The following USP31 variants were observed in gnomAD, a reference collection of about 807,000 sequenced individuals.
USP31 encodes the protein ubiquitin carboxyl-terminal hydrolase 31.
A neutral mutation model predicts 119.4 loss-of-function variants in USP31; 44 were observed. That is an observed-to-expected ratio of 0.37 (90% CI 0.29 to 0.47). The LOEUF is 0.47. Among genes scored for constraint, USP31 ranks in the 20% least tolerant of loss-of-function variants. The probability of loss-of-function intolerance (pLI) is 0.99; values close to 1 mark genes in which losing one functional copy is unlikely to be tolerated. For synonymous variants in USP31, 749 were observed against 705.6 expected (o/e 1.06, Z -0.97); for missense variants, 1,643 against 1,730.2 (o/e 0.95, Z 0.89).
chr16:23,122,087 G>A (rs751013021), intron 1 of USP31, among the ~76,000 whole-genome samples: 7 of 152,108 alleles, frequency 4.6e-5, no homozygotes, highest in African/African-American at 7.2e-5. Flanking sequence ...CACACACAGG[G>A]GAGGGGAAGG....
chr16:23,146,086 A>C (rs1472251134), intron 1 of USP31, among the ~76,000 whole-genome samples: 1 of 152,188 alleles, frequency 6.6e-6, no homozygotes, highest in African/African-American at 2.4e-5. Flanking sequence ...AAAGCAATGG[A>C]AATGTTCACA....
chr16:23,080,641 AGCTTAATATATCCACTCAGTG>A (rs1461495673), intron 12 of USP31, among the ~76,000 whole-genome samples: 2 of 152,208 alleles, frequency 1.3e-5, no homozygotes, highest in African/African-American at 4.8e-5. Flanking sequence ...ACACTGTCTT[AGCTTAATATATCCACTCAGTG>A]GCAATCTTTA....
At chr16:23,070,240 T>C (rs994782412) in intron 15 of USP31, among the ~76,000 whole-genome samples, 2 of 152,138 alleles carry the variant, frequency 1.3e-5, no homozygotes, top group Non-Finnish European at 2.9e-5. Context: ...TGACCAAGAT[T>C]ACACAACTCA....
intron 1 of USP31, among the ~76,000 whole-genome samples, chr16:23,134,891 T>TACAC (rs10580256): frequency 2.7e-5 from 4 of 149,844 alleles, no homozygotes; most frequent in Admixed American, 6.6e-5. Context: ...TGTTACCTTA[T>TACAC]ACACACACAC....
intron 12 of USP31, among the ~76,000 whole-genome samples, chr16:23,081,194 C>G (rs899309670): frequency 2.0e-5 from 3 of 152,158 alleles, no homozygotes; most frequent in African/African-American, 7.2e-5. Flanking sequence ...AGGTTTGCCT[C>G]TGGATTGCTG....
chr16:23,122,598 T>C (rs918909125), intron 1 of USP31, among the ~76,000 whole-genome samples: 1 of 152,200 alleles, frequency 6.6e-6, no homozygotes, highest in Non-Finnish European at 1.5e-5. Flanking sequence ...GAAATATTCA[T>C]ATAATAGAAT....
chr16:23,081,526 G>C (rs1900825359), intron 12 of USP31, among the ~76,000 whole-genome samples: 1 of 152,208 alleles, frequency 6.6e-6, no homozygotes, highest in South Asian at 2.1e-4. Flanking sequence ...CCTGGATGAA[G>C]GCAAGGGCCT....
In USP31 at chr16:23,069,049, G is replaced by C. The variant is rs1171758844; in HGVS notation, c.3056C>G (p.Pro1019Arg). The change falls in exon 16 of 16, where the codon CCA becomes CGA. Residue 1019 changes from proline (P) to arginine (R), a missense_variant. Physicochemically the swap from Pro to Arg is moderately radical, Grantham distance 103 (BLOSUM62 -2). Around this residue, in one of 5 missense-constraint regions of USP31, gnomAD observed 699 missense variants for 650.9 expected, o/e 1.07. Transcript: ENST00000219689. ...GGGGGATCTCTTAGTTGTGCTCTCT[G>C]GTTTCTTTGCGAGTGAGCCTGGGTG... ...PSHPGSLAKKPESTTKRSPSS... is the reference protein window; with the variant it reads ...PSHPGSLAKKRESTTKRSPSS... 6.2e-6 allele frequency: 10 copies of C among 1,612,902 alleles called. No individual in the cohort carries two copies. The South Asian group carries it at 6.6e-5, about 11-fold the overall frequency.
chr16:23,077,536 C>T (rs1484411960), intron 13 of USP31, among the ~76,000 whole-genome samples: 1 of 152,002 alleles, frequency 6.6e-6, no homozygotes, highest in African/African-American at 2.4e-5. Flanking sequence ...GAAAAGAGTC[C>T]CAGAGATTTA....
intron 1 of USP31, among the ~76,000 whole-genome samples, chr16:23,134,070 CTG>C (rs1219646540): frequency 5.2e-5 from 7 of 134,706 alleles, no homozygotes; most frequent in African/African-American, 1.7e-4. Flanking sequence ...CAGTGAGACC[CTG>C]TCTCTCTCTC....
chr16:23,131,635 G>C (rs917931841), intron 1 of USP31, among the ~76,000 whole-genome samples: 6 of 151,972 alleles, frequency 3.9e-5, no homozygotes, highest in African/African-American at 1.5e-4. Flanking sequence ...TGAATGGGAG[G>C]GCATTTGATG....
Position 23,065,164 on chromosome 16 carries a change from C to T in USP31, c.*2882G>A, listed in dbSNP as rs1900014022. The T allele has an allele frequency of 6.6e-6, 1 of 152,006 alleles. No individual in the cohort carries two copies. Among genetic ancestry groups the T allele is most frequent in the Non-Finnish European group, 1.5e-5 (1 of 68,008 alleles). 9.4% of individuals were successfully genotyped at this position (152,006 alleles called of 1,614,324 possible). A position where few individuals can be genotyped will look rare whatever the true frequency, so the allele number is the denominator to read the frequency against. ...AAGCAAACAAACATTACAGATACAACATTACTGTTGGTGATTATTTTGTGC... is the reference window on the plus strand; with the variant it reads ...AAGCAAACAAACATTACAGATACAATATTACTGTTGGTGATTATTTTGTGC... On this transcript the variant is annotated 3_prime_UTR_variant, in exon 16 of 16. Coordinates refer to ENST00000219689, the MANE Select transcript of USP31 (RefSeq NM_020718.4).
rs1900368771 is a variant in USP31 at position 23,072,062 on chromosome 16, T to C, written c.2471A>G (p.Glu824Gly). ...SLSESVEMTG[E>G]RSEDDGGFST... Reference sequence around the variant, plus strand: ...ACACCCACCATCATCTTCACTCCTTTCTCCAGTCATCTCCACGGACTCAGA... The same window carrying C: ...ACACCCACCATCATCTTCACTCCTTCCTCCAGTCATCTCCACGGACTCAGA... Residue 824 changes from glutamate to glycine, a missense_variant, in exon 15 of 16, where the codon GAA (glutamate) becomes GGA (glycine). By Grantham distance (98) the Glu-to-Gly change is moderately conservative (BLOSUM62 -2). Around this residue, in one of 5 missense-constraint regions of USP31, gnomAD observed 279 missense variants for 372.2 expected, o/e 0.75. Transcript: ENST00000219689. The C allele has an allele frequency of 1.2e-6, 2 of 1,613,042 alleles. No individual in the cohort carries two copies. Among genetic ancestry groups the C allele is most frequent in the Non-Finnish European group, 1.7e-6 (2 of 1,179,426 alleles).
chr16:23,104,324 T>G (rs937905334), intron 5 of USP31, among the ~76,000 whole-genome samples: 2 of 152,224 alleles, frequency 1.3e-5, no homozygotes, highest in Non-Finnish European at 2.9e-5. Context: ...AAATTCACTC[T>G]CTTCAGCAAA....
intron 6 of USP31, among the ~76,000 whole-genome samples, chr16:23,100,292 A>T (rs1479412173): frequency 6.6e-6 from 1 of 152,270 alleles, no homozygotes; most frequent in Non-Finnish European, 1.5e-5. Context: ...ACAATGAATA[A>T]ACAAAATGTG....
At chr16:23,112,279 A>ATT (rs952798341) in intron 1 of USP31, among the ~76,000 whole-genome samples, 7 of 152,152 alleles carry the variant, frequency 4.6e-5, no homozygotes, top group Admixed American at 4.6e-4. Context: ...TCCCTTTAGC[A>ATT]TTATATATAT....
chr16:23,105,157 T>C (rs1902043755), intron 5 of USP31, among the ~76,000 whole-genome samples: 1 of 152,194 alleles, frequency 6.6e-6, no homozygotes, highest in Non-Finnish European at 1.5e-5. Context: ...ACAGGAATGA[T>C]TTAAGAAGGG....
In USP31 at chr16:23,069,132, A is replaced by G; in HGVS notation, c.2973T>C (p.Tyr991=). ...TGTCTACGGAGTCGCTCTGATCCAC[A>G]TAAGCGATCTGATTATTGTTATCAA... ...GPFDNNNQIA[Y]VDQSDSVDSS... The change falls in exon 16 of 16, where the codon TAT becomes TAC. Residue 991 remains tyrosine (Y), a synonymous_variant. Transcript: ENST00000219689. The G allele has an allele frequency of 6.2e-7, 1 of 1,613,792 alleles. No individual in the cohort carries two copies. Among genetic ancestry groups the G allele is most frequent in the Non-Finnish European group, 8.5e-7 (1 of 1,180,024 alleles).
Position 23,131,212 on chromosome 16 carries a change from G to A in USP31, c.633+17426C>T, listed in dbSNP as rs376431302. On this transcript the variant is annotated intron_variant, in intron 1 of 15. Transcript: ENST00000219689. ...CTAGCTATTCGGGAGGATGAGGCAA[G>A]AGGATCTCAAGCCCTGCAATTCAAG... Among the ~76,000 whole-genome samples, 5 of 152,316 alleles carry A rather than the reference G, an allele frequency of 3.3e-5. No homozygotes were observed. In the East Asian group the frequency reaches 7.7e-4, roughly 24 times the overall value.
Sources: allele counts gnomAD v4.1 joint callset (sites outside exome capture counted in the v4.1 genomes callset), GRCh38; gene constraint gnomAD v4.1.1; regional missense constraint gnomAD v4.1.1; transcripts MANE v1.5; gene names NCBI Gene and HGNC (gene_info 2026-07-23, HGNC 2026-07-21).